FHIT: variants seen among roughly 807,000 people sequenced by gnomAD.
FHIT encodes bis(5'-adenosyl)-triphosphatase.
A neutral mutation model predicts 17.9 loss-of-function variants in FHIT; 19 were observed. The ratio of observed to expected loss-of-function variants is 1.06; its 90% confidence interval spans 0.74 to 1.56. FHIT has a LOEUF of 1.56. FHIT is among the 40% of genes most tolerant of loss of function. The probability of loss-of-function intolerance (pLI) is 0.00; values close to 1 mark genes in which losing one functional copy is unlikely to be tolerated. For missense variants in FHIT, 248 were observed against 189.2 expected (o/e 1.31, Z -1.82); for synonymous variants, 81 against 69.7 (o/e 1.16, Z -0.81).
chr3:60,556,145 G>A (rs566652957), intron 4 of FHIT, among the ~76,000 whole-genome samples: 1 of 152,272 alleles, frequency 6.6e-6, no homozygotes, highest in African/African-American at 2.4e-5. Flanking sequence ...AATGAACAGT[G>A]AGTCTCTCAC....
intron 5 of FHIT, among the ~76,000 whole-genome samples, chr3:60,441,712 ATATATATATATTTG>A (rs2107330893): frequency 1.2e-5 from 1 of 82,244 alleles, no homozygotes; most frequent in Non-Finnish European, 2.6e-5. Context: ...TTATATATAT[ATATATATATATTTG>A]TATTTATATA....
At chr3:60,075,570 G>C (rs1457254403) in intron 5 of FHIT, among the ~76,000 whole-genome samples, 1 of 152,090 alleles carries the variant, frequency 6.6e-6, no homozygotes, top group Non-Finnish European at 1.5e-5. Context: ...AGGTTAAGCA[G>C]GTTTCTGTTC....
chr3:59,830,632 T>C (rs1701131777), intron 8 of FHIT, among the ~76,000 whole-genome samples: 1 of 152,232 alleles, frequency 6.6e-6, no homozygotes, highest in Non-Finnish European at 1.5e-5. Context: ...CATTCTTTCA[T>C]AGTCTAGTCT....
chr3:60,282,159 C>A (rs1426895130), intron 5 of FHIT, among the ~76,000 whole-genome samples: 1 of 152,138 alleles, frequency 6.6e-6, no homozygotes, highest in African/African-American at 2.4e-5. Context: ...AGTTCCTAAG[C>A]ATTTACTCAA....
At chr3:59,817,700 T>C (rs1450603655) in intron 8 of FHIT, among the ~76,000 whole-genome samples, 2 of 152,190 alleles carry the variant, frequency 1.3e-5, no homozygotes, top group Non-Finnish European at 2.9e-5. Flanking sequence ...TTCACATTCG[T>C]TTCGGCTTCC....
intron 4 of FHIT, among the ~76,000 whole-genome samples, chr3:60,775,385 G>A (rs1700186848): frequency 6.6e-6 from 1 of 152,160 alleles, no homozygotes; most frequent in South Asian, 2.1e-4. Context: ...CATCATGTTT[G>A]CAGCGGGGAG....
intron 3 of FHIT, among the ~76,000 whole-genome samples, chr3:61,018,647 G>A (rs968890348): frequency 2.0e-5 from 3 of 152,132 alleles, no homozygotes; most frequent in Non-Finnish European, 4.4e-5. Flanking sequence ...AGGCTACTGA[G>A]ATAAAATGGA....
chr3:59,773,130 G>C (rs1702148865), intron 8 of FHIT, among the ~76,000 whole-genome samples: 1 of 152,116 alleles, frequency 6.6e-6, no homozygotes, highest in Non-Finnish European at 1.5e-5. Flanking sequence ...ATCTTGAGTG[G>C]AAATCTTATT....
At chr3:61,074,213 T>G in intron 2 of FHIT, among the ~76,000 whole-genome samples, 1 of 152,188 alleles carries the variant, frequency 6.6e-6, no homozygotes. Context: ...TATAGAATCC[T>G]TCAGAGTTTT....
intron 7 of FHIT, among the ~76,000 whole-genome samples, chr3:59,975,955 T>A (rs138043784): frequency 6.8e-4 from 104 of 152,220 alleles, no homozygotes; most frequent in Admixed American, 3.5e-3. Context: ...TGTACTAGAA[T>A]GCTCCCAGAC....
chr3:60,653,045 C>A (rs2040032882), intron 4 of FHIT, among the ~76,000 whole-genome samples: 1 of 152,140 alleles, frequency 6.6e-6, no homozygotes, highest in South Asian at 2.1e-4. Context: ...AAGACCCACC[C>A]ACTTAAAAAT....
At chr3:60,465,505 G>A (rs431150) in intron 5 of FHIT, among the ~76,000 whole-genome samples, 1 of 152,036 alleles carries the variant, frequency 6.6e-6, no homozygotes, top group African/African-American at 2.4e-5. Context: ...TCTTCTTGTA[G>A]AAGTTTCATA....
intron 5 of FHIT, among the ~76,000 whole-genome samples, chr3:60,359,622 C>A (rs1472969434): frequency 6.6e-6 from 1 of 152,154 alleles, no homozygotes; most frequent in Non-Finnish European, 1.5e-5. Context: ...CAGCCCATGA[C>A]CCCTTCACCA....
At chr3:59,794,985 G>A (rs1424593693) in intron 8 of FHIT, among the ~76,000 whole-genome samples, 1 of 152,170 alleles carries the variant, frequency 6.6e-6, no homozygotes, top group Non-Finnish European at 1.5e-5. Flanking sequence ...CCTGTAAAGT[G>A]GCATAATAAT....
intron 2 of FHIT, among the ~76,000 whole-genome samples, chr3:61,126,763 G>A (rs1015201684): frequency 9.9e-5 from 15 of 152,218 alleles, no homozygotes; most frequent in African/African-American, 2.9e-4. Context: ...AGCCCGGAAG[G>A]AGCGTGGGGA....
At chr3:60,305,179 G>A (rs1470478508) in intron 5 of FHIT, among the ~76,000 whole-genome samples, 1 of 151,990 alleles carries the variant, frequency 6.6e-6, no homozygotes, top group East Asian at 1.9e-4. Context: ...ACAGAAGCAT[G>A]AATATTCTAG....
intron 5 of FHIT, among the ~76,000 whole-genome samples, chr3:60,384,453 T>G (rs1252278834): frequency 1.3e-5 from 2 of 152,174 alleles, no homozygotes; most frequent in Non-Finnish European, 2.9e-5. Context: ...AGGTTTGGTA[T>G]CTTTAGCCCC....
chr3:60,139,619 C>T (rs1047518089), intron 5 of FHIT, among the ~76,000 whole-genome samples: 1 of 152,076 alleles, frequency 6.6e-6, no homozygotes, highest in Non-Finnish European at 1.5e-5. Context: ...TACTGTTCCC[C>T]CTGACTATGA....
Position 60,740,692 on chromosome 3 carries a change from C to T in FHIT, c.-18+81227G>A, listed in dbSNP as rs1298704960. ...CCCAGTTGAAATTTCCCATTCCTCC[C>T]TCCACCAGGGTTGTTCTCTTAAACC... On this transcript the variant is annotated intron_variant, in intron 4 of 9. Transcript: ENST00000492590. Among the ~76,000 whole-genome samples, 3 of 152,192 alleles carry T rather than the reference C, an allele frequency of 2.0e-5. No individual in the cohort carries two copies. The East Asian group carries it at 5.8e-4, about 29-fold the overall frequency.
Sources: gnomAD v4.1 joint callset for allele counts (sites outside exome capture counted in the v4.1 genomes callset) on GRCh38, gnomAD v4.1.1 for gene constraint, MANE v1.5 for transcripts, NCBI Gene and HGNC (gene_info 2026-07-23, HGNC 2026-07-21) for gene names.